AP1AR: variants seen among roughly 807,000 people sequenced by gnomAD.
AP1AR encodes the protein AP-1 complex-associated regulatory protein.
In AP1AR, 29 loss-of-function variants were observed where a neutral mutation model predicts 46.3. The ratio of observed to expected loss-of-function variants is 0.63; its 90% CI spans 0.47 to 0.85. The LOEUF (loss-of-function observed/expected upper bound fraction) is 0.85. AP1AR is among the 40% of genes least tolerant of loss of function. The probability of loss-of-function intolerance (pLI) is 0.00; values close to 1 mark genes in which losing one functional copy is unlikely to be tolerated. For missense variants in AP1AR, 357 were observed against 356.3 expected (o/e 1.00, Z -0.02); for synonymous variants, 122 against 122.9 (o/e 0.99, Z 0.05).
chr4:112,247,853 G>A (rs1725788166), intron 1 of AP1AR, among the ~76,000 whole-genome samples: 1 of 152,176 alleles, frequency 6.6e-6, no homozygotes, highest in Admixed American at 6.5e-5. Flanking sequence ...ATGGAACTGA[G>A]TACTGATTAT....
At chr4:112,258,218 A>G (rs1726289869) in intron 4 of AP1AR, among the ~76,000 whole-genome samples, 1 of 152,212 alleles carries the variant, frequency 6.6e-6, no homozygotes, top group Admixed American at 6.5e-5. Context: ...ATATTTTATT[A>G]AAATTGCATG....
chr4:112,261,001 T>G (rs1726419336), intron 5 of AP1AR, 139 bp downstream of exon 5: 4 of 475,996 alleles, frequency 8.4e-6, no homozygotes, highest in Non-Finnish European at 1.4e-5. Context: ...AAAAAATCAT[T>G]CCAGCCTATT....
chr4:112,257,965 A>C (rs895037089), intron 4 of AP1AR, among the ~76,000 whole-genome samples, 168 bp downstream of exon 4: 3 of 152,152 alleles, frequency 2.0e-5, no homozygotes, highest in Non-Finnish European at 4.4e-5. Context: ...CATATATCTC[A>C]AAAGACTGTT....
intron 2 of AP1AR, 129 bp from the exon 3 acceptor site, chr4:112,254,618 G>A: frequency 2.0e-6 from 1 of 506,866 alleles, no homozygotes; most frequent in Non-Finnish European, 3.5e-6. Context: ...TATTAAAGAG[G>A]CATTTGAATT....
intron 1 of AP1AR, among the ~76,000 whole-genome samples, chr4:112,234,356 G>C (rs1176981044): frequency 2.0e-5 from 3 of 152,184 alleles, no homozygotes; most frequent in Non-Finnish European, 4.4e-5. Context: ...TTTGGGTTTT[G>C]GGGTTAGGTA....
rs1301788137 is a variant in AP1AR, at chr4:112,273,006, TTGTC to T, written c.*4600_*4603del. ...TCATTTATTTGGTATTTCTGGTTAA[TTGTC>T]TGACAGTAAAGGAGTTCACAAAAGA... On this transcript the variant is annotated 3_prime_UTR_variant, in exon 10 of 10. Coordinates refer to ENST00000274000, the MANE Select transcript of AP1AR (RefSeq NM_018569.6). 3 of 152,084 alleles carry T rather than the reference TTGTC, an allele frequency of 2.0e-5. No individual in the cohort carries two copies. The highest frequency in any genetic ancestry group is 2.9e-5 in the Non-Finnish European group (2 of 68,002). The allele number at this position is 152,084 out of a possible 1,614,324, so 9.4% of individuals were successfully genotyped here. A position where few individuals can be genotyped will look rare whatever the true frequency, so the allele number is the denominator to read the frequency against.
At chr4:112,246,899 GT>G (rs1384707300) in intron 1 of AP1AR, among the ~76,000 whole-genome samples, 1 of 151,982 alleles carries the variant, frequency 6.6e-6, no homozygotes, top group Admixed American at 6.6e-5. Context: ...GTATTCTTCT[GT>G]TTCTTCATTT....
chr4:112,265,202 C>T (rs1726649221), intron 7 of AP1AR, 135 bp downstream of exon 7: 4 of 624,236 alleles, frequency 6.4e-6, no homozygotes, highest in African/African-American at 1.9e-5. Context: ...TTCTAAAAGA[C>T]ATTGTCTTGG....
intron 8 of AP1AR, 118 bp downstream of exon 8, chr4:112,265,925 G>T: frequency 1.6e-6 from 1 of 624,668 alleles, no homozygotes. Context: ...TCCCAGATAG[G>T]TCAATTTCCT....
At position 112,271,734 on chromosome 4, in the gene AP1AR, T is replaced by A. The variant is rs1346769018; in HGVS notation, c.*3325T>A. Among the ~76,000 whole-genome samples, 2 of 152,168 alleles carry A rather than the reference T, an allele frequency of 1.3e-5. No homozygotes were observed. Among genetic ancestry groups the A allele is most frequent in the African/African-American group, 4.8e-5 (2 of 41,430 alleles). On this transcript the variant is annotated 3_prime_UTR_variant, in exon 10 of 10. Transcript: ENST00000274000. ...TGAAAAGTTAACTTTGAGGTGTTCA[T>A]AAGATATTTGGATGAAGATGTCAAG...
At chr4:112,232,288 A>AAGCAGTGAGTGTAGCAGGG in intron 1 of AP1AR, 114 bp downstream of exon 1, 1 of 894,218 alleles carries the variant, frequency 1.1e-6, no homozygotes, top group Non-Finnish European at 1.5e-6. Flanking sequence ...GAGCCCTGCT[A>AAGCAGTGAGTGTAGCAGGG]CACTCACTGC....
chr4:112,266,081 C>CA (rs901641309), intron 8 of AP1AR, among the ~76,000 whole-genome samples: 29 of 150,916 alleles, frequency 1.9e-4, no homozygotes, highest in African/African-American at 5.3e-4. Context: ...CTTCCCTTTC[C>CA]AAAAAAAAGA....
intron 4 of AP1AR, among the ~76,000 whole-genome samples, chr4:112,259,448 G>T (rs1372925041): frequency 6.6e-6 from 1 of 152,150 alleles, no homozygotes; most frequent in Non-Finnish European, 1.5e-5. Context: ...TACCTTAGAG[G>T]GTTGTTGTGA....
At chr4:112,236,301 A>G (rs1355936513) in intron 1 of AP1AR, among the ~76,000 whole-genome samples, 1 of 151,156 alleles carries the variant, frequency 6.6e-6, no homozygotes, top group African/African-American at 2.4e-5. Context: ...CTCCCTTCCT[A>G]TCATGAGTTA....
chr4:112,237,305 G>A (rs1460675554), intron 1 of AP1AR, among the ~76,000 whole-genome samples: 1 of 151,740 alleles, frequency 6.6e-6, no homozygotes, highest in Non-Finnish European at 1.5e-5. Flanking sequence ...ACGGGGTTTC[G>A]CCATGTTGGC....
chr4:112,249,889 T>C (rs1438109991), intron 1 of AP1AR, among the ~76,000 whole-genome samples: 4 of 152,202 alleles, frequency 2.6e-5, no homozygotes, highest in Non-Finnish European at 4.4e-5. Flanking sequence ...GAGGTACTTT[T>C]CTTTCATGGC....
intron 1 of AP1AR, among the ~76,000 whole-genome samples, chr4:112,238,745 T>C (rs1277036136): frequency 1.3e-5 from 2 of 152,230 alleles, no homozygotes; most frequent in Non-Finnish European, 2.9e-5. Context: ...CACCTACTAC[T>C]TATATGCTAA....
intron 1 of AP1AR, among the ~76,000 whole-genome samples, chr4:112,237,971 G>T (rs1489843471): frequency 6.6e-6 from 1 of 152,062 alleles, no homozygotes; most frequent in African/African-American, 2.4e-5. Context: ...TTTAGGGTTG[G>T]CAGGTGGTAT....
intron 8 of AP1AR, among the ~76,000 whole-genome samples, chr4:112,266,141 T>A (rs1329516266): frequency 6.6e-6 from 1 of 151,828 alleles, no homozygotes; most frequent in Admixed American, 6.6e-5. Context: ...TTTTTACTTA[T>A]TACAGATTGA....
Sources: gnomAD v4.1 joint callset for allele counts (sites outside exome capture counted in the v4.1 genomes callset) on GRCh38, gnomAD v4.1.1 for gene constraint, MANE v1.5 for transcripts, NCBI Gene and HGNC (gene_info 2026-07-23, HGNC 2026-07-21) for gene names.